The following NHEJ1 variants were observed in gnomAD, a reference collection of about 807,000 sequenced individuals.
NHEJ1 encodes the protein non-homologous end-joining factor 1.
A neutral mutation model predicts 39.4 loss-of-function variants in NHEJ1; 22 were observed. That is an observed-to-expected ratio of 0.56 (90% CI 0.40 to 0.80). The LOEUF (loss-of-function observed/expected upper bound fraction) is 0.80. NHEJ1 is among the 30% of genes least tolerant of loss of function. The pLI is 0.00. For synonymous variants in NHEJ1, 154 were observed against 135.6 expected (o/e 1.14, Z -0.94); for missense variants, 329 against 357.1 (o/e 0.92, Z 0.63).
At chr2:219,097,584 C>G (rs1949220574) in intron 5 of NHEJ1, among the ~76,000 whole-genome samples, 1 of 152,152 alleles carries the variant, frequency 6.6e-6, no homozygotes, top group Non-Finnish European at 1.5e-5. Flanking sequence ...CTATGTCTGG[C>G]TCAACTCCAA....
chr2:219,131,073 C>G (rs2106351049), intron 5 of NHEJ1, among the ~76,000 whole-genome samples: 1 of 152,224 alleles, frequency 6.6e-6, no homozygotes, highest in Admixed American at 6.5e-5. Flanking sequence ...GCTTGGGCAA[C>G]AGAGCGAGAC....
intron 5 of NHEJ1, among the ~76,000 whole-genome samples, chr2:219,137,570 CAAAAAAAAAA>C (rs58279021): frequency 3.2e-4 from 11 of 34,728 alleles, no homozygotes; most frequent in East Asian, 1.7e-3. Flanking sequence ...GTGTTACAGG[CAAAAAAAAAA>C]AAAAAAAAAA....
intron 5 of NHEJ1, among the ~76,000 whole-genome samples, chr2:219,136,436 G>A (rs1949629481): frequency 6.6e-6 from 1 of 151,782 alleles, no homozygotes; most frequent in South Asian, 2.1e-4. Flanking sequence ...TCACAAGCCT[G>A]TGCCACCAAG....
chr2:219,106,500 C>A (rs529099421), intron 5 of NHEJ1, among the ~76,000 whole-genome samples: 1 of 152,234 alleles, frequency 6.6e-6, no homozygotes, highest in African/African-American at 2.4e-5. Context: ...GACGGGAGAT[C>A]AAAGCCCTGT....
chr2:219,134,132 A>T (rs540147975), intron 5 of NHEJ1, among the ~76,000 whole-genome samples: 270 of 152,226 alleles, frequency 1.8e-3, no homozygotes, highest in Non-Finnish European at 3.1e-3. Flanking sequence ...CTTTCTTCTG[A>T]TATTGCCCAA....
At position 219,147,394 on chromosome 2, in the gene NHEJ1, C is replaced by A. The variant is rs7584931; in HGVS notation, c.529+263G>T. ...CTACTCGGGAGGCTGAGGCAGGAGA[C>A]TCGCTTGAGCCCACGAGGCGGAAGT... On this transcript the variant is annotated intron_variant, in intron 4 of 7. Coordinates refer to ENST00000356853, the MANE Select transcript of NHEJ1 (RefSeq NM_024782.3). 1 allele frequency among the ~76,000 whole-genome samples: 151,956 copies of A among 152,370 alleles called. 75,773 individuals are homozygous for A. Among genetic ancestry groups the A allele is most frequent in the East Asian group, 1 (5,186 of 5,186 alleles).
At chr2:219,150,470 G>A (rs897059705) in intron 3 of NHEJ1, among the ~76,000 whole-genome samples, 8 of 152,074 alleles carry the variant, frequency 5.3e-5, no homozygotes, top group South Asian at 2.1e-4. Context: ...GTTCAGCTTT[G>A]GAAAAATTTA....
chr2:219,074,411 T>C lies in NHEJ1; in HGVS notation c.*1970A>G, dbSNP rs1287129903. 6.6e-6 allele frequency among the ~76,000 whole-genome samples: 1 copy of C among 152,184 alleles called. No individual in the cohort carries two copies. The highest frequency in any genetic ancestry group is 1.9e-4 in the East Asian group (1 of 5,200). On this transcript the variant is annotated 3_prime_UTR_variant, in exon 8 of 8. Transcript: ENST00000356853. ...GCCTTTCCATTTTCCATGTGCCTTGTAGATACTGAAATCTGACTATCTAAA... is the reference window on the plus strand; with the variant it reads ...GCCTTTCCATTTTCCATGTGCCTTGCAGATACTGAAATCTGACTATCTAAA...
intron 5 of NHEJ1, among the ~76,000 whole-genome samples, chr2:219,115,990 T>C (rs778856052): frequency 1.1e-4 from 17 of 151,016 alleles, no homozygotes; most frequent in Non-Finnish European, 2.5e-4. Context: ...CGTGGGGGTG[T>C]GTGCCTGTAG....
At chr2:219,156,625 T>C (rs904925421) in intron 3 of NHEJ1, among the ~76,000 whole-genome samples, 5 of 152,248 alleles carry the variant, frequency 3.3e-5, no homozygotes, top group Admixed American at 3.3e-4. Flanking sequence ...GGATTCAAAT[T>C]CCAACTCATT....
At position 219,096,340 on chromosome 2, in the gene NHEJ1, A is replaced by G. The variant is rs1034286406; in HGVS notation, c.589-18134T>C. The stretch of plus-strand genomic sequence containing the variant: ...ACTCAATTGACTCAGATTTTCAGTC[A>G]TTTTTGCTCCGCAATCATGCCTAAA... On this transcript the variant is annotated intron_variant, in intron 5 of 7. Transcript: ENST00000356853. Among the ~76,000 whole-genome samples, 27 of 152,340 alleles carry G rather than the reference A, an allele frequency of 1.8e-4. 1 individual carries two copies. Among genetic ancestry groups the G allele is most frequent in the Admixed American group, 5.9e-4 (9 of 15,302 alleles).
intron 5 of NHEJ1, among the ~76,000 whole-genome samples, chr2:219,090,871 T>G (rs1949154065): frequency 6.6e-6 from 1 of 152,266 alleles, no homozygotes; most frequent in South Asian, 2.1e-4. Flanking sequence ...TCAGTTTAAA[T>G]GTCACTTCTT....
At chr2:219,151,838 C>T (rs1200522242) in intron 3 of NHEJ1, among the ~76,000 whole-genome samples, 6 of 152,110 alleles carry the variant, frequency 3.9e-5, no homozygotes, top group East Asian at 3.9e-4. Flanking sequence ...CATGGTGGCA[C>T]GCACCTGTAG....
At chr2:219,151,679 G>T (rs962323585) in intron 3 of NHEJ1, among the ~76,000 whole-genome samples, 1 of 152,048 alleles carries the variant, frequency 6.6e-6, no homozygotes, top group African/African-American at 2.4e-5. Flanking sequence ...GTGTTAATGG[G>T]CATATGAGAG....
At chr2:219,122,925 G>A (rs923456685) in intron 5 of NHEJ1, among the ~76,000 whole-genome samples, 1 of 152,210 alleles carries the variant, frequency 6.6e-6, no homozygotes, top group Non-Finnish European at 1.5e-5. Context: ...AGAGTGGATA[G>A]CGGAGGCCAG....
chr2:219,143,901 G>A lies in NHEJ1; in HGVS notation c.588+2779C>T, dbSNP rs530935466. Among the ~76,000 whole-genome samples the A allele has an allele frequency of 6.6e-5, 10 of 152,244 alleles. No homozygotes were observed. The South Asian group carries it at 1.0e-3, about 16-fold the overall frequency. ...GAATAACTGAAGACCCCAAATATAG[G>A]TCTAATAAGCAACACTGAGCCAGGT... On this transcript the variant is annotated intron_variant, in intron 5 of 7. Coordinates refer to ENST00000356853, the MANE Select transcript of NHEJ1 (RefSeq NM_024782.3).
intron 5 of NHEJ1, among the ~76,000 whole-genome samples, chr2:219,123,781 T>C (rs1362303602): frequency 2.0e-5 from 3 of 151,824 alleles, no homozygotes; most frequent in Non-Finnish European, 4.4e-5. Flanking sequence ...TTACCCACAC[T>C]CAAGAGGAAC....
chr2:219,157,352 A>C (rs12694451), intron 3 of NHEJ1, 120 bp downstream of exon 3: 2 of 846,410 alleles, frequency 2.4e-6, no homozygotes, highest in South Asian at 2.9e-5. Context: ...TTAGTCAAGG[A>C]AAGTTTTCTG....
At chr2:219,080,083 G>A (rs544308907) in intron 5 of NHEJ1, among the ~76,000 whole-genome samples, 32 of 152,274 alleles carry the variant, frequency 2.1e-4, no homozygotes, top group African/African-American at 7.7e-4. Context: ...TAGAAATGCT[G>A]CACCTGGGTC....
Sources: gnomAD v4.1 joint callset for allele counts (sites outside exome capture counted in the v4.1 genomes callset) on GRCh38, gnomAD v4.1.1 for gene constraint, MANE v1.5 for transcripts, NCBI Gene and HGNC (gene_info 2026-07-23, HGNC 2026-07-21) for gene names.